ADGRG2: variants seen among roughly 807,000 people sequenced by gnomAD.
The protein encoded by ADGRG2 is G protein-coupled receptor 64.
In ADGRG2, 26 loss-of-function variants were observed where a neutral mutation model predicts 74.1. The ratio of observed to expected loss-of-function variants is 0.35; its 90% confidence interval spans 0.26 to 0.49. The LOEUF (loss-of-function observed/expected upper bound fraction) is 0.49, where lower values mean the gene tolerates loss of function less well. Among genes scored for constraint, ADGRG2 ranks in the 20% least tolerant of loss-of-function variants. The probability of loss-of-function intolerance (pLI) is 0.99; values close to 1 mark genes in which losing one functional copy is unlikely to be tolerated. For missense variants in ADGRG2, 619 were observed against 763.1 expected, an observed-to-expected ratio of 0.81 and a Z score of 2.22; for synonymous variants, 296 against 295.2, an observed-to-expected ratio of 1.00 and a Z score of -0.03.
At chrX:19,064,502 C>T (rs748009873) in intron 3 of ADGRG2, among the ~76,000 whole-genome samples, 1 of 111,942 alleles carries the variant, frequency 8.9e-6, no homozygotes, top group South Asian at 3.8e-4. Context: ...GCAGGTCAGT[C>T]CCCTTGGCCT....
chrX:19,113,105 C>A (rs142571801), intron 1 of ADGRG2, among the ~76,000 whole-genome samples: 1 of 107,493 alleles, frequency 9.3e-6, no homozygotes, highest in Non-Finnish European at 1.9e-5. Flanking sequence ...CCTGCCGGTG[C>A]GGTGGCTCAC....
At chrX:19,002,361 G>C (rs1317617084) in intron 24 of ADGRG2, among the ~76,000 whole-genome samples, 2 of 111,809 alleles carry the variant, frequency 1.8e-5, no homozygotes. Flanking sequence ...CCACGTGGCA[G>C]TGAAGTTACA....
In ADGRG2 at chrX:19,009,639, G is replaced by T. The variant is rs2060311528; in HGVS notation, c.1409C>A (p.Pro470His). ...ATTATGATGTACCTGAAGATTTGCA[G>T]GGTCTTGGGCCACAAAGGTAGTTGT... ...FNTTTFVAQD[P>H]ANLQVSLETQ... Residue 470 changes from proline to histidine, a missense_variant, in exon 18 of 29, where the codon CCT (proline) becomes CAT (histidine). Transcript: ENST00000379869. 8.3e-7 allele frequency: 1 copy of T among 1,208,857 alleles called. No homozygotes were observed. The highest frequency in any genetic ancestry group is 1.1e-6 in the Non-Finnish European group (1 of 892,826).
intron 9 of ADGRG2, among the ~76,000 whole-genome samples, chrX:19,028,719 C>T (rs1412527991): frequency 1.8e-5 from 2 of 111,293 alleles, no homozygotes; most frequent in Non-Finnish European, 3.8e-5. Flanking sequence ...TTGTGTTGGG[C>T]CACATTCAAA....
At chrX:19,004,164 C>T (rs1439364697) in intron 23 of ADGRG2, among the ~76,000 whole-genome samples, 1 of 111,932 alleles carries the variant, frequency 8.9e-6, no homozygotes, top group East Asian at 2.8e-4. Context: ...TAAAAATGCC[C>T]ATGTCCTTCT....
chrX:18,994,124 T>C (rs2059972222), intron 28 of ADGRG2, among the ~76,000 whole-genome samples: 1 of 112,203 alleles, frequency 8.9e-6, no homozygotes, highest in African/African-American at 3.2e-5. Flanking sequence ...TTCATGGGGA[T>C]TTGGGTGCTG....
intron 3 of ADGRG2, among the ~76,000 whole-genome samples, chrX:19,047,970 G>T (rs1177963371): frequency 9.0e-6 from 1 of 110,598 alleles, no homozygotes; most frequent in Non-Finnish European, 1.9e-5. Context: ...AAAAAACTTC[G>T]GCTCTTAGCT....
chrX:19,115,409 CAGTGATATAAAG>C (rs1457676816), intron 1 of ADGRG2, among the ~76,000 whole-genome samples: 1 of 111,537 alleles, frequency 9.0e-6, no homozygotes, highest in Non-Finnish European at 1.9e-5. Flanking sequence ...TTGCAGGTAA[CAGTGATATAAAG>C]AAAACAAAAG....
intron 1 of ADGRG2, among the ~76,000 whole-genome samples, chrX:19,091,529 C>CAT (rs1555910324): frequency 2.1e-4 from 23 of 109,046 alleles, no homozygotes; most frequent in African/African-American, 7.5e-4. Flanking sequence ...CACACACACA[C>CAT]ACACACACGA....
chrX:19,106,705 G>A (rs2062300689), intron 1 of ADGRG2, among the ~76,000 whole-genome samples: 1 of 110,998 alleles, frequency 9.0e-6, no homozygotes, highest in Non-Finnish European at 1.9e-5. Flanking sequence ...GATCGCTTGA[G>A]GCCAGGAGTT....
At chrX:19,049,591 C>T (rs774287635) in intron 3 of ADGRG2, among the ~76,000 whole-genome samples, 71 of 109,386 alleles carry the variant, frequency 6.5e-4, no homozygotes, top group Non-Finnish European at 1.1e-3. Context: ...AATACAAATT[C>T]ATAAACTTTC....
Position 19,033,349 on chromosome X carries a change from C to T in ADGRG2, c.304+264G>A, listed in dbSNP as rs770676586. The stretch of plus-strand genomic sequence containing the variant: ...CATTGCCTTTATCTGCATGCATGTT[C>T]ATGTTAGTTATCTATTTTTTTGCCT... On this transcript the variant is annotated intron_variant, in intron 8 of 28. Coordinates refer to ENST00000379869, the MANE Select transcript of ADGRG2 (RefSeq NM_001079858.3). 9.2e-5 allele frequency: 23 copies of T among 250,885 alleles called. No homozygotes were observed. The East Asian group carries it at 1.9e-3, about 20-fold the overall frequency. 20.7% of individuals were successfully genotyped at this position (250,885 alleles called of 1,213,427 possible). A position where few individuals can be genotyped will look rare whatever the true frequency, so the allele number is the denominator to read the frequency against.
intron 1 of ADGRG2, among the ~76,000 whole-genome samples, chrX:19,109,499 C>T (rs1321557237): frequency 1.8e-5 from 2 of 111,581 alleles, no homozygotes; most frequent in South Asian, 3.8e-4. Flanking sequence ...TCACTCTCTC[C>T]CCACATATTC....
At position 18,999,262 on chromosome X, in the gene ADGRG2, T is replaced by C. The variant is rs948824434; in HGVS notation, c.2348A>G (p.Asn783Ser). The change falls in exon 26 of 29, where the codon AAT becomes AGT. Residue 783 changes from asparagine (N) to serine (S), a missense_variant. This residue lies in a region of ADGRG2 where 221 missense variants were observed against 340.6 expected (regional missense o/e 0.65). Transcript: ENST00000379869. The part of the protein sequence containing the change: ...SPDDFCWINN[N>S]AVFYITVVGY... ...CACCACCGTAATGTAGAATACTGCA[T>C]TGTTGTTGATCCAGCAGCTGGAGTT... 8.4e-6 allele frequency: 10 copies of C among 1,191,290 alleles called. No homozygotes were observed. The highest frequency in any genetic ancestry group is 1.8e-5 in the African/African-American group (1 of 56,410).
intron 9 of ADGRG2, among the ~76,000 whole-genome samples, chrX:19,030,269 A>G (rs1402643698): frequency 8.9e-6 from 1 of 111,927 alleles, no homozygotes. Flanking sequence ...TCTGCCACAC[A>G]ATATTTTTCT....
chrX:19,045,286 G>GT (rs1416155409), intron 3 of ADGRG2, among the ~76,000 whole-genome samples: 1 of 61,612 alleles, frequency 1.6e-5, no homozygotes, highest in African/African-American at 5.6e-5. Context: ...ACAGAAATGG[G>GT]GGGTGTTGTT....
chrX:19,104,786 G>A (rs1333141905), intron 1 of ADGRG2, among the ~76,000 whole-genome samples: 2 of 102,370 alleles, frequency 2.0e-5, no homozygotes, highest in African/African-American at 7.2e-5. Context: ...GGGTGGTGGC[G>A]GGTGCCTGTA....
intron 28 of ADGRG2, among the ~76,000 whole-genome samples, chrX:18,992,634 C>T (rs1181572437): frequency 8.9e-6 from 1 of 112,103 alleles, no homozygotes; most frequent in African/African-American, 3.2e-5. Context: ...CCTCATCTAT[C>T]CCAGATGCTG....
At chrX:19,036,709 A>G (rs2060949962) in intron 6 of ADGRG2, among the ~76,000 whole-genome samples, 1 of 110,930 alleles carries the variant, frequency 9.0e-6, no homozygotes, top group Non-Finnish European at 1.9e-5. Context: ...TTTCACTGTG[A>G]GAAGTAACTG....
Sources: gnomAD v4.1 joint callset for allele counts (sites outside exome capture counted in the v4.1 genomes callset) on GRCh38, gnomAD v4.1.1 for gene constraint, gnomAD v4.1.1 regional missense constraint, MANE v1.5 for transcripts, NCBI Gene and HGNC (gene_info 2026-07-23, HGNC 2026-07-21) for gene names.